The following SNX30 variants were observed in gnomAD, a reference collection of about 807,000 sequenced individuals.
SNX30 encodes sorting nexin family member 30, also known as sorting nexin-30.
In SNX30, 24 loss-of-function variants were observed where a neutral mutation model predicts 46.4. The observed-to-expected ratio is 0.52, with a 90% CI of 0.37 to 0.73. The LOEUF is 0.73. SNX30 is among the 30% of genes least tolerant of loss of function. The pLI, the probability that SNX30 is intolerant of heterozygous loss-of-function variation, is 0.00. For synonymous variants in SNX30, 189 were observed against 211.5 expected (o/e 0.89, Z 0.92); for missense variants, 533 against 555.7 (o/e 0.96, Z 0.41).
chr9:112,804,973 T>A lies in SNX30; in HGVS notation c.348+6T>A. ...CCTATAGGATCACCACCAAAGTAGG[T>A]CCCTGTGTTATAGAATGCCCGTGTT... On this transcript the variant is annotated splice_donor_region_variant and intron_variant, in intron 2 of 8. Transcript: ENST00000374232. 6.3e-7 allele frequency: 1 copy of A among 1,585,092 alleles called. No individual in the cohort carries two copies. The highest frequency in any genetic ancestry group is 8.6e-7 in the Non-Finnish European group (1 of 1,161,876).
chr9:112,857,255 T>C (rs1475989373), intron 7 of SNX30, among the ~76,000 whole-genome samples: 2 of 152,234 alleles, frequency 1.3e-5, no homozygotes, highest in African/African-American at 4.8e-5. Context: ...CTCTGAAGTT[T>C]GTTTTTATCT....
At chr9:112,786,174 G>T (rs1402864099) in intron 1 of SNX30, among the ~76,000 whole-genome samples, 1 of 150,118 alleles carries the variant, frequency 6.7e-6, no homozygotes. Context: ...CTGGAATGCA[G>T]TGGCACCATC....
At chr9:112,775,956 T>G (rs988765613) in intron 1 of SNX30, among the ~76,000 whole-genome samples, 2 of 152,154 alleles carry the variant, frequency 1.3e-5, no homozygotes, top group African/African-American at 4.8e-5. Context: ...ATTCCATTGT[T>G]TCAATTAGTT....
downstream of SNX30, chr9:112,885,645 T>C (rs1841634464): frequency 6.6e-6 from 1 of 152,160 alleles, no homozygotes; most frequent in African/African-American, 2.4e-5. Context: ...AAATACATAC[T>C]GGATTTCAAA....
chr9:112,806,346 A>G (rs561211415), intron 2 of SNX30, among the ~76,000 whole-genome samples: 1 of 152,176 alleles, frequency 6.6e-6, no homozygotes, highest in South Asian at 2.1e-4. Flanking sequence ...TGGGATAAAA[A>G]AGTGTTTAGT....
In SNX30 at chr9:112,874,686, A is replaced by G. The variant is rs1841495852; in HGVS notation, c.*5843A>G. On this transcript the variant is annotated 3_prime_UTR_variant, in exon 9 of 9. Coordinates refer to ENST00000374232, the MANE Select transcript of SNX30 (RefSeq NM_001012994.2). ...ATTTACAGATGGAAGTCTTTGTTTC[A>G]TGAAGCTACCAAACTTTAAAAAGAA... 6.6e-6 allele frequency: 1 copy of G among 152,232 alleles called. No homozygotes were observed. Among genetic ancestry groups the G allele is most frequent in the Non-Finnish European group, 1.5e-5 (1 of 68,042 alleles). 9.4% of individuals were successfully genotyped at this position (152,232 alleles called of 1,614,324 possible).
intron 2 of SNX30, among the ~76,000 whole-genome samples, chr9:112,815,720 A>G (rs540653543): frequency 6.6e-6 from 1 of 152,352 alleles, no homozygotes; most frequent in East Asian, 1.9e-4. Flanking sequence ...TTGGTTTACA[A>G]TGAAAACCAG....
At chr9:112,880,961 A>G (rs966195967) in intron 5 of SNX30, among the ~76,000 whole-genome samples, 1 of 152,054 alleles carries the variant, frequency 6.6e-6, no homozygotes, top group Admixed American at 6.6e-5. Flanking sequence ...TTTTCCTGGA[A>G]TCTCTTTCCA....
chr9:112,874,905 A>T lies in SNX30; in HGVS notation c.*6062A>T, dbSNP rs1841501631. On this transcript the variant is annotated 3_prime_UTR_variant, in exon 9 of 9. Coordinates refer to ENST00000374232, the MANE Select transcript of SNX30 (RefSeq NM_001012994.2). Reference sequence around the variant, plus strand: ...TAAACAAAAGAATTTGTATTGCTTGATAAATATTAGCTTGTAAATTTAAAG... The same window carrying T: ...TAAACAAAAGAATTTGTATTGCTTGTTAAATATTAGCTTGTAAATTTAAAG... 1 of 152,220 alleles carries T rather than the reference A, an allele frequency of 6.6e-6. No homozygotes were observed. The highest frequency in any genetic ancestry group is 1.5e-5 in the Non-Finnish European group (1 of 68,044). 9.4% of individuals were successfully genotyped at this position (152,220 alleles called of 1,614,324 possible). A position where few individuals can be genotyped will look rare whatever the true frequency, so the allele number is the denominator to read the frequency against.
At chr9:112,851,121 A>G (rs751017717) in intron 7 of SNX30, among the ~76,000 whole-genome samples, 176 bp downstream of exon 7, 7 of 152,016 alleles carry the variant, frequency 4.6e-5, no homozygotes, top group African/African-American at 7.2e-5. Flanking sequence ...CCTAGTGTTC[A>G]CTTGGGATTG....
At chr9:112,754,216 G>T (rs890506924) in intron 1 of SNX30, among the ~76,000 whole-genome samples, 2 of 152,116 alleles carry the variant, frequency 1.3e-5, no homozygotes, top group African/African-American at 4.8e-5. Context: ...TCCAGCTGAC[G>T]CTTGTGAATG....
chr9:112,753,268 C>T (rs1013594909), intron 1 of SNX30, among the ~76,000 whole-genome samples: 1 of 152,178 alleles, frequency 6.6e-6, no homozygotes, highest in East Asian at 1.9e-4. Context: ...ATTCCCCGTA[C>T]CACCAAGATC....
chr9:112,751,704 C>T (rs1040672281), intron 1 of SNX30, among the ~76,000 whole-genome samples: 3 of 152,146 alleles, frequency 2.0e-5, no homozygotes, highest in African/African-American at 7.2e-5. Context: ...CCCCAGCCGG[C>T]GGCGGGAGGA....
At chr9:112,853,110 T>A (rs1841057410) in intron 7 of SNX30, among the ~76,000 whole-genome samples, 1 of 152,142 alleles carries the variant, frequency 6.6e-6, no homozygotes, top group Admixed American at 6.5e-5. Flanking sequence ...TGATGCCGAG[T>A]GGCTCTCCAT....
chr9:112,882,288 G>A (rs1397882618), downstream of SNX30, among the ~76,000 whole-genome samples: 9 of 152,050 alleles, frequency 5.9e-5, no homozygotes, highest in Admixed American at 4.6e-4. Context: ...TTAATTTTTT[G>A]TAGAGTTGGG....
In SNX30 at chr9:112,783,940, A is replaced by C. The variant is rs528079576; in HGVS notation, c.157-20836A>C. ...CTTGGCTTGAGCCTTTGCTGAACACAGTCATTTCAGTAGGACTTGCCCTCA... is the reference window on the plus strand; with the variant it reads ...CTTGGCTTGAGCCTTTGCTGAACACCGTCATTTCAGTAGGACTTGCCCTCA... On this transcript the variant is annotated intron_variant, in intron 1 of 8. Coordinates refer to ENST00000374232, the MANE Select transcript of SNX30 (RefSeq NM_001012994.2). Among the ~76,000 whole-genome samples, 3 of 152,346 alleles carry C rather than the reference A, an allele frequency of 2.0e-5. No homozygotes were observed. In the East Asian group the frequency reaches 5.8e-4, roughly 29 times the overall value.
intron 7 of SNX30, among the ~76,000 whole-genome samples, chr9:112,854,533 CCTCTTCCTGGTGGGATGTTGA>C (rs1191665727): frequency 6.6e-6 from 1 of 152,234 alleles, no homozygotes; most frequent in African/African-American, 2.4e-5. Context: ...CTTCACCTTC[CCTCTTCCTGGTGGGATGTTGA>C]ACCATGCCAC....
At chr9:112,780,816 A>C (rs976326921) in intron 1 of SNX30, among the ~76,000 whole-genome samples, 4 of 152,206 alleles carry the variant, frequency 2.6e-5, no homozygotes, top group African/African-American at 9.7e-5. Context: ...CTGACAGAGG[A>C]AAAGCACTTG....
chr9:112,880,657 T>C (rs944942655), intron 5 of SNX30, among the ~76,000 whole-genome samples: 2 of 152,198 alleles, frequency 1.3e-5, no homozygotes, highest in Admixed American at 6.5e-5. Flanking sequence ...TTAAACACTT[T>C]TTTCTGCTGC....
Sources: gnomAD v4.1 joint callset for allele counts (sites outside exome capture counted in the v4.1 genomes callset) on GRCh38, gnomAD v4.1.1 for gene constraint, MANE v1.5 for transcripts, NCBI Gene and HGNC (gene_info 2026-07-23, HGNC 2026-07-21) for gene names.